CACNA2D3: variants seen among roughly 807,000 people sequenced by gnomAD.
CACNA2D3 encodes voltage-dependent calcium channel subunit alpha-2/delta-3.
In CACNA2D3, 60 loss-of-function variants were observed where a neutral mutation model predicts 160.6. The observed-to-expected ratio is 0.37, with a 90% CI of 0.30 to 0.46. CACNA2D3 has a LOEUF of 0.46. Ranked by LOEUF, CACNA2D3 falls within the 20% of genes least tolerant of loss-of-function variation. The pLI, the probability that CACNA2D3 is intolerant of heterozygous loss-of-function variation, is 1.00. For synonymous variants in CACNA2D3, 558 were observed against 492.9 expected, an observed-to-expected ratio of 1.13 and a Z score of -1.75; for missense variants, 1,205 against 1,365.0, an observed-to-expected ratio of 0.88 and a Z score of 1.85.
rs867915530 is a variant in CACNA2D3 at position 54,323,468 on chromosome 3, C to T, written c.321+2910C>T. On this transcript the variant is annotated intron_variant, in intron 3 of 37. Coordinates refer to ENST00000474759, the MANE Select transcript of CACNA2D3 (RefSeq NM_018398.3). ...TCCTCTCCTCTTTTCTTTTTCTTTT[C>T]TTTTTTTTTTTTTTTAAAGACAGAG... is the stretch of plus-strand genomic sequence containing the variant. Among the ~76,000 whole-genome samples the T allele has an allele frequency of 2.3e-3, 321 of 138,502 alleles. 1 individual carries two copies. Among genetic ancestry groups the T allele is most frequent in the Middle Eastern group, 0.018 (5 of 272 alleles). The allele number at this position is 138,502 out of a possible 152,430, so 90.9% of individuals were successfully genotyped here.
chr3:54,206,057 TTGA>T (rs2107356044), intron 2 of CACNA2D3, among the ~76,000 whole-genome samples: 1 of 152,334 alleles, frequency 6.6e-6, no homozygotes, highest in Non-Finnish European at 1.5e-5. Context: ...ATGTATTACC[TTGA>T]TGAAAATAAA....
chr3:54,521,682 C>T (rs937891585), intron 5 of CACNA2D3, among the ~76,000 whole-genome samples: 5 of 152,132 alleles, frequency 3.3e-5, no homozygotes, highest in Admixed American at 6.5e-5. Flanking sequence ...AGTTTTAGCT[C>T]TTACATTTAG....
At chr3:54,927,494 AAATT>A (rs1701056244) in intron 27 of CACNA2D3, among the ~76,000 whole-genome samples, 1 of 152,234 alleles carries the variant, frequency 6.6e-6, no homozygotes, top group Admixed American at 6.5e-5. Context: ...TAGTTGCAGG[AAATT>A]AATTCTTAAA....
At chr3:54,833,713 G>A (rs967706135) in intron 14 of CACNA2D3, among the ~76,000 whole-genome samples, 6 of 152,286 alleles carry the variant, frequency 3.9e-5, no homozygotes, top group Admixed American at 6.5e-5. Flanking sequence ...TCCATGAAAC[G>A]TTTAAGATTC....
intron 2 of CACNA2D3, among the ~76,000 whole-genome samples, chr3:54,252,923 C>T (rs1702223629): frequency 6.6e-6 from 1 of 152,198 alleles, no homozygotes; most frequent in Non-Finnish European, 1.5e-5. Flanking sequence ...TCTTGGTCTT[C>T]ATCTGAAATC....
chr3:55,022,965 A>AT (rs1301943025), intron 35 of CACNA2D3, among the ~76,000 whole-genome samples: 1 of 151,904 alleles, frequency 6.6e-6, no homozygotes, highest in African/African-American at 2.4e-5. Flanking sequence ...GTTTACCTGC[A>AT]TTTTTTATAT....
chr3:54,912,936 A>G lies in CACNA2D3; in HGVS notation c.2449+13068A>G, dbSNP rs1700589908. 1.3e-5 allele frequency among the ~76,000 whole-genome samples: 2 copies of G among 152,134 alleles called. 1 individual carries two copies. Among genetic ancestry groups the G allele is most frequent in the South Asian group, 4.1e-4 (2 of 4,822 alleles). On this transcript the variant is annotated intron_variant, in intron 27 of 37. Coordinates refer to ENST00000474759, the MANE Select transcript of CACNA2D3 (RefSeq NM_018398.3). Reference sequence around the variant, plus strand: ...AGTTAAATGTCCTCAGATACCCTACATACAGGACAGCATGATTCCTCTCTG... The same window carrying G: ...AGTTAAATGTCCTCAGATACCCTACGTACAGGACAGCATGATTCCTCTCTG...
intron 4 of CACNA2D3, among the ~76,000 whole-genome samples, chr3:54,464,100 A>G (rs1700563399): frequency 6.6e-6 from 1 of 152,186 alleles, no homozygotes; most frequent in African/African-American, 2.4e-5. Flanking sequence ...TTCATGAACC[A>G]CGAATGCTGC....
chr3:54,550,296 G>T (rs1252314498), intron 5 of CACNA2D3, among the ~76,000 whole-genome samples: 1 of 152,112 alleles, frequency 6.6e-6, no homozygotes. Context: ...AGGAACCCAC[G>T]TTACTCACTG....
chr3:54,973,464 G>T (rs1333170966), intron 29 of CACNA2D3, among the ~76,000 whole-genome samples: 1 of 152,192 alleles, frequency 6.6e-6, no homozygotes, highest in Non-Finnish European at 1.5e-5. Context: ...AAAACTTCAT[G>T]ATCAAAGTCA....
At chr3:54,280,510 G>C (rs559400845) in intron 2 of CACNA2D3, among the ~76,000 whole-genome samples, 1 of 151,846 alleles carries the variant, frequency 6.6e-6, no homozygotes, top group African/African-American at 2.4e-5. Context: ...GTGTAGGGGG[G>C]ACAGAAATGT....
intron 4 of CACNA2D3, among the ~76,000 whole-genome samples, chr3:54,442,402 T>G (rs1700159313): frequency 6.6e-6 from 1 of 152,140 alleles, no homozygotes. Flanking sequence ...CTTGGAGGTG[T>G]AGCAGCCATT....
chr3:54,609,176 A>G (rs1316830190), intron 9 of CACNA2D3, among the ~76,000 whole-genome samples: 1 of 152,218 alleles, frequency 6.6e-6, no homozygotes, highest in Non-Finnish European at 1.5e-5. Context: ...AAAAAGAGGC[A>G]TCAGTGATAC....
intron 4 of CACNA2D3, among the ~76,000 whole-genome samples, chr3:54,493,881 A>G (rs1321453773): frequency 6.6e-6 from 1 of 152,234 alleles, no homozygotes; most frequent in East Asian, 1.9e-4. Context: ...GCTGCAACAA[A>G]GACTCTGAAG....
chr3:54,509,291 T>TG (rs1701420684), intron 5 of CACNA2D3, among the ~76,000 whole-genome samples: 1 of 150,850 alleles, frequency 6.6e-6, no homozygotes, highest in African/African-American at 2.4e-5. Context: ...GTGTGTGTGT[T>TG]TGTGTGTGTG....
At chr3:54,796,638 A>C (rs1233458365) in intron 13 of CACNA2D3, among the ~76,000 whole-genome samples, 1 of 152,192 alleles carries the variant, frequency 6.6e-6, no homozygotes, top group Non-Finnish European at 1.5e-5. Flanking sequence ...AAAATTATAG[A>C]GCTGAAAGTT....
At chr3:55,049,968 C>G (rs1704153459) in intron 35 of CACNA2D3, among the ~76,000 whole-genome samples, 1 of 150,714 alleles carries the variant, frequency 6.6e-6, no homozygotes. Flanking sequence ...AGATCTTCGT[C>G]CATCCTTTTA....
chr3:55,033,708 A>T (rs1247676860), intron 35 of CACNA2D3, among the ~76,000 whole-genome samples: 2 of 130,850 alleles, frequency 1.5e-5, no homozygotes, highest in Admixed American at 9.2e-5. Context: ...AAATATATAT[A>T]ATATATATTA....
At chr3:54,923,686 C>A (rs1700920115) in intron 27 of CACNA2D3, among the ~76,000 whole-genome samples, 1 of 152,166 alleles carries the variant, frequency 6.6e-6, no homozygotes, top group East Asian at 1.9e-4. Flanking sequence ...ATGCTGAGAG[C>A]TAGGAAGAGT....
Sources: allele counts gnomAD v4.1 joint callset (sites outside exome capture counted in the v4.1 genomes callset), GRCh38; gene constraint gnomAD v4.1.1; transcripts MANE v1.5; gene names NCBI Gene and HGNC (gene_info 2026-07-23, HGNC 2026-07-21).